DCAF5: variants seen among roughly 807,000 people sequenced by gnomAD.
DCAF5 encodes DDB1 and CUL4 associated factor 5, also known as DDB1- and CUL4-associated factor 5.
In DCAF5, 9 loss-of-function variants were observed where a neutral mutation model predicts 80.7. That is an observed-to-expected ratio of 0.11 (90% CI 0.07 to 0.19). The LOEUF is 0.19. Among genes scored for constraint, DCAF5 ranks in the 10% least tolerant of loss-of-function variants. The pLI, the probability that DCAF5 is intolerant of heterozygous loss-of-function variation, is 1.00. For missense variants in DCAF5, 842 were observed against 1,205.7 expected (o/e 0.70, Z 4.47); for synonymous variants, 433 against 461.9 (o/e 0.94, Z 0.80).
At chr14:69,098,595 CT>C (rs529540624) in intron 5 of DCAF5, among the ~76,000 whole-genome samples, 283 of 152,074 alleles carry the variant, frequency 1.9e-3, no homozygotes, top group African/African-American at 6.6e-3. Flanking sequence ...TTTAAAAACA[CT>C]GACTTGGCCA....
intron 1 of DCAF5, among the ~76,000 whole-genome samples, chr14:69,130,032 C>T (rs941526173): frequency 6.6e-6 from 1 of 152,200 alleles, no homozygotes. Flanking sequence ...AACCTTTATA[C>T]TTAAAGAGTA....
chr14:69,110,855 C>T (rs1595017612), intron 5 of DCAF5, among the ~76,000 whole-genome samples: 1 of 106,048 alleles, frequency 9.4e-6, no homozygotes, highest in African/African-American at 3.9e-5. Flanking sequence ...CCAGCCTGGG[C>T]AACAGACCAA....
rs1023060186 is a variant in DCAF5, at chr14:69,152,330, C to G, written c.214+435G>C. Reference sequence around the variant, plus strand: ...GCCCCAAGACCCCTTTTCCTTAACGCCGGCGACGGGGGCTTCAGCTCCCCC... The same window carrying G: ...GCCCCAAGACCCCTTTTCCTTAACGGCGGCGACGGGGGCTTCAGCTCCCCC... On this transcript the variant is annotated intron_variant, in intron 1 of 8. Coordinates refer to ENST00000341516, the MANE Select transcript of DCAF5 (RefSeq NM_003861.3). The surrounding 1 kb of genome is among the most constrained non-coding windows in gnomAD (Gnocchi z 4.1). 1 of 154,446 alleles carries G rather than the reference C, an allele frequency of 6.5e-6. No individual in the cohort carries two copies. Among genetic ancestry groups the G allele is most frequent in the Admixed American group, 6.5e-5 (1 of 15,382 alleles). The allele number at this position is 154,446 out of a possible 1,614,324, so 9.6% of individuals were successfully genotyped here. A position where few individuals can be genotyped will look rare whatever the true frequency, so the allele number is the denominator to read the frequency against.
rs780483479 is a variant in DCAF5, at chr14:69,118,551, T to C, written c.396-273A>G. 2.6e-5 allele frequency among the ~76,000 whole-genome samples: 4 copies of C among 152,218 alleles called. No individual in the cohort carries two copies. The highest frequency in any genetic ancestry group is 5.9e-5 in the Non-Finnish European group (4 of 68,042). ...TCAATAGCTGAGTTTTGTATTTTCA[T>C]TTATTACAGAATGCATCTGCTTGTG... On this transcript the variant is annotated intron_variant, in intron 3 of 8. Coordinates refer to ENST00000341516, the MANE Select transcript of DCAF5 (RefSeq NM_003861.3). The surrounding 1 kb of genome is among the most constrained non-coding windows in gnomAD (Gnocchi z 4.0).
intron 5 of DCAF5, among the ~76,000 whole-genome samples, chr14:69,094,900 T>C (rs1041919362): frequency 3.9e-5 from 6 of 152,214 alleles, no homozygotes; most frequent in African/African-American, 1.4e-4. Flanking sequence ...TTAATTGTGA[T>C]ACAGGTAGCT....
intron 1 of DCAF5, among the ~76,000 whole-genome samples, chr14:69,151,151 T>G (rs183930142): frequency 3.8e-4 from 58 of 152,290 alleles, no homozygotes; most frequent in Admixed American, 1.0e-3. Flanking sequence ...TCTTCAAATT[T>G]ATTTGATAAA....
At chr14:69,105,943 A>ATCTATCTATC (rs1555374893) in intron 5 of DCAF5, among the ~76,000 whole-genome samples, 6 of 74,202 alleles carry the variant, frequency 8.1e-5, no homozygotes, top group African/African-American at 2.3e-4. Flanking sequence ...ATATATATAT[A>ATCTATCTATC]TATCTCCTAT....
intron 6 of DCAF5, chr14:69,084,456 C>A (rs190266252): frequency 3.6e-6 from 3 of 824,888 alleles, no homozygotes; most frequent in Non-Finnish European, 6.3e-6. Flanking sequence ...CGTAGACAGA[C>A]GATGCTCTTT....
intron 5 of DCAF5, among the ~76,000 whole-genome samples, chr14:69,099,633 T>C (rs1265255408): frequency 6.6e-6 from 1 of 152,066 alleles, no homozygotes; most frequent in African/African-American, 2.4e-5. Context: ...GTATCTTAAT[T>C]ATATCTTAGA....
Position 69,055,065 on chromosome 14 carries a change from C to T in DCAF5, c.1621G>A (p.Glu541Lys). ...SDSEENVCEVELDTDLFPRPR... is the reference protein window; with the variant it reads ...SDSEENVCEVKLDTDLFPRPR... Reference sequence around the variant, plus strand: ...CGGGGAAAGAGATCTGTGTCTAGTTCCACCTCACAGACATTCTCCTCAGAA... The same window carrying T: ...CGGGGAAAGAGATCTGTGTCTAGTTTCACCTCACAGACATTCTCCTCAGAA... The change falls in exon 9 of 9, where the codon GAA (glutamate) becomes AAA (lysine). Residue 541 changes from glutamate (E) to lysine (K), a missense_variant. By Grantham distance (56) the Glu-to-Lys change is moderately conservative (BLOSUM62 1). Coordinates refer to ENST00000341516, the MANE Select transcript of DCAF5 (RefSeq NM_003861.3). This position sits in a 1 kb window ranked among gnomAD's most constrained non-coding sequence, Gnocchi z 5.6. The T allele has an allele frequency of 1.2e-6, 2 of 1,614,176 alleles. No homozygotes were observed. Among genetic ancestry groups the T allele is most frequent in the East Asian group, 2.2e-5 (1 of 44,880 alleles).
intron 5 of DCAF5, among the ~76,000 whole-genome samples, chr14:69,115,642 G>A (rs1025328813): frequency 6.6e-5 from 10 of 152,182 alleles, no homozygotes; most frequent in Admixed American, 4.6e-4. Flanking sequence ...TGGGACTTAA[G>A]GAACATAAAA....
chr14:69,056,952 C>T (rs1281095697), intron 8 of DCAF5, among the ~76,000 whole-genome samples: 2 of 152,204 alleles, frequency 1.3e-5, no homozygotes, highest in African/African-American at 2.4e-5. Context: ...GATGTTCTCT[C>T]CTCTCCAGCT....
chr14:69,145,135 G>A (rs776649469), intron 1 of DCAF5, among the ~76,000 whole-genome samples: 2 of 151,706 alleles, frequency 1.3e-5, no homozygotes, highest in African/African-American at 2.4e-5. Flanking sequence ...CTCCCACCTC[G>A]GCCTCCTGTG....
At chr14:69,153,167 C>T (rs1283734785), upstream of DCAF5, 31 of 439,888 alleles carry the variant, frequency 7.0e-5, no homozygotes, top group Non-Finnish European at 7.1e-5. Flanking sequence ...CCCTCCCTCT[C>T]CTTCCCCCCG....
Position 69,053,748 on chromosome 14 carries a change from G to T in DCAF5, c.*109C>A. The T allele has an allele frequency of 9.0e-7, 1 of 1,106,252 alleles. No individual in the cohort carries two copies. Among genetic ancestry groups the T allele is most frequent in the Non-Finnish European group, 1.2e-6 (1 of 803,118 alleles). The allele number at this position is 1,106,252 out of a possible 1,614,324, so 68.5% of individuals were successfully genotyped here. On this transcript the variant is annotated 3_prime_UTR_variant, in exon 9 of 9. Coordinates refer to ENST00000341516, the MANE Select transcript of DCAF5 (RefSeq NM_003861.3). ...CATCAGACACAAAATTTCAGGCCCT[G>T]GTTTCATGTGCCTTTAATACTTGTT...
intron 5 of DCAF5, among the ~76,000 whole-genome samples, chr14:69,105,920 T>TC (rs1397572043): frequency 0.012 from 844 of 72,734 alleles, 39 homozygotes; most frequent in African/African-American, 0.051. Flanking sequence ...CTGTCATATA[T>TC]ATATATATAT....
upstream of DCAF5, chr14:69,153,168 C>A: frequency 2.3e-6 from 1 of 439,412 alleles, no homozygotes. Context: ...CCTCCCTCTC[C>A]TTCCCCCCGA....
chr14:69,150,154 A>T (rs2041656698), intron 1 of DCAF5, among the ~76,000 whole-genome samples: 1 of 152,222 alleles, frequency 6.6e-6, no homozygotes, highest in South Asian at 2.1e-4. Flanking sequence ...GCCAAAATGG[A>T]GGAGCGATGG....
At chr14:69,146,978 C>T (rs950469722) in intron 1 of DCAF5, among the ~76,000 whole-genome samples, 4 of 152,168 alleles carry the variant, frequency 2.6e-5, no homozygotes, top group African/African-American at 9.7e-5. Context: ...ATTAAATGAA[C>T]AGCTTTAATA....
Sources: gnomAD v4.1 joint callset for allele counts (sites outside exome capture counted in the v4.1 genomes callset) on GRCh38, gnomAD v4.1.1 for gene constraint, Gnocchi (gnomAD v3.1) non-coding constraint, MANE v1.5 for transcripts, NCBI Gene and HGNC (gene_info 2026-07-23, HGNC 2026-07-21) for gene names.